Variants in PAK4 observed in about 807,000 individuals in gnomAD.
The protein encoded by PAK4 is serine/threonine-protein kinase PAK 4.
PAK4 carries 49 observed loss-of-function variants against 53.5 expected under a neutral mutation model. That is an observed-to-expected ratio of 0.92 (90% CI 0.73 to 1.16). The LOEUF is 1.16. PAK4 is among the 50% of genes most tolerant of loss of function. The pLI is 0.00. For synonymous variants in PAK4, 376 were observed against 375.6 expected (o/e 1.00, Z -0.01); for missense variants, 824 against 850.7 (o/e 0.97, Z 0.39).
intron 1 of PAK4, among the ~76,000 whole-genome samples, chr19:39,138,253 A>G (rs2073853247): frequency 6.6e-6 from 1 of 151,266 alleles, no homozygotes; most frequent in Non-Finnish European, 1.5e-5. Context: ...GGATTTCACC[A>G]TGTTGCCCAG....
At chr19:39,149,315 A>G (rs1431034134) in intron 1 of PAK4, among the ~76,000 whole-genome samples, 3 of 152,268 alleles carry the variant, frequency 2.0e-5, no homozygotes, top group Non-Finnish European at 4.4e-5. Context: ...AGCCATAAAA[A>G]GGAATGGAAT....
Position 39,175,245 on chromosome 19 carries a change from G to T in PAK4, c.1233-67G>T. 1 of 1,516,374 alleles carries T rather than the reference G, an allele frequency of 6.6e-7. No individual in the cohort carries two copies. Among genetic ancestry groups the T allele is most frequent in the Non-Finnish European group, 8.9e-7 (1 of 1,119,550 alleles). The allele number at this position is 1,516,374 out of a possible 1,614,324, so 93.9% of individuals were successfully genotyped here. On this transcript the variant is annotated intron_variant, in intron 5 of 8. Transcript: ENST00000358301. The surrounding 1 kb of genome is among the most constrained non-coding windows in gnomAD (Gnocchi z 4.7). Reference sequence around the variant, plus strand: ...CAGATTCCTCCCACTGCAAGGCAGGGCTGCGTCCCCCTCGGCACCCCGGGG... The same window carrying T: ...CAGATTCCTCCCACTGCAAGGCAGGTCTGCGTCCCCCTCGGCACCCCGGGG...
chr19:39,172,977 G>A (rs1444107866), exon 3 of PAK4: 1 of 1,549,852 alleles, frequency 6.5e-7, no homozygotes, highest in Non-Finnish European at 8.7e-7. Context: ...TGCTGGACGA[G>A]TTTGAGAACA....
At chr19:39,169,535 G>A (rs370008929) in exon 2 of PAK4, 52 of 1,608,588 alleles carry the variant, frequency 3.2e-5, no homozygotes, top group East Asian at 4.5e-5. Flanking sequence ...CCCGCAGGCC[G>A]CACCGAGTCC....
Position 39,175,275 on chromosome 19 carries a change from G to A in PAK4, c.1233-37G>A. ...GTCCCCCTCGGCACCCCGGGGTGCT[G>A]TCCAGCTGGCTGCTCACCCCCCACC... is the stretch of plus-strand genomic sequence containing the variant. On this transcript the variant is annotated intron_variant, in intron 5 of 8. Coordinates refer to ENST00000358301, the Ensembl canonical transcript of PAK4. The surrounding 1 kb of genome is among the most constrained non-coding windows in gnomAD (Gnocchi z 4.7). The A allele has an allele frequency of 6.4e-7, 1 of 1,552,976 alleles. No individual in the cohort carries two copies. Among genetic ancestry groups the A allele is most frequent in the Non-Finnish European group, 8.7e-7 (1 of 1,145,616 alleles).
intron 1 of PAK4, among the ~76,000 whole-genome samples, chr19:39,151,210 G>A (rs576203690): frequency 6.6e-6 from 1 of 152,322 alleles, no homozygotes; most frequent in Non-Finnish European, 1.5e-5. Context: ...AAAGGCAAAG[G>A]CTTTGAATAG....
At chr19:39,129,129 T>C (rs1255499153) in intron 1 of PAK4, among the ~76,000 whole-genome samples, 3 of 152,152 alleles carry the variant, frequency 2.0e-5, no homozygotes, top group South Asian at 2.1e-4. Flanking sequence ...ACTGGACTCT[T>C]AACTCCTGGG....
intron 1 of PAK4, among the ~76,000 whole-genome samples, chr19:39,167,372 A>G (rs1354559933): frequency 1.3e-5 from 2 of 152,206 alleles, no homozygotes; most frequent in South Asian, 2.1e-4. Flanking sequence ...GAGTGGGCAA[A>G]TGGGGACTGT....
intron 1 of PAK4, among the ~76,000 whole-genome samples, chr19:39,164,857 C>T (rs1368220158): frequency 6.6e-6 from 1 of 152,102 alleles, no homozygotes; most frequent in African/African-American, 2.4e-5. Flanking sequence ...CTGCTCTGGG[C>T]CATGGGTCCC....
chr19:39,163,823 C>T (rs576140632), intron 1 of PAK4, among the ~76,000 whole-genome samples: 1 of 152,264 alleles, frequency 6.6e-6, no homozygotes, highest in Non-Finnish European at 1.5e-5. Context: ...GCTGCTGGGC[C>T]TTGTCCAAGG....
At chr19:39,166,476 A>G (rs2074378312) in intron 1 of PAK4, among the ~76,000 whole-genome samples, 1 of 152,234 alleles carries the variant, frequency 6.6e-6, no homozygotes, top group Non-Finnish European at 1.5e-5. Context: ...CGAAGCAGCT[A>G]CTATTATCGC....
downstream of PAK4, chr19:39,180,759 C>T (rs574353832): frequency 6.6e-6 from 1 of 152,192 alleles, no homozygotes; most frequent in East Asian, 1.9e-4. Context: ...TGAGGTTTAC[C>T]AGACTTTGAA....
chr19:39,165,862 A>T (rs377408655), intron 1 of PAK4, among the ~76,000 whole-genome samples: 1 of 152,018 alleles, frequency 6.6e-6, no homozygotes, highest in African/African-American at 2.4e-5. Flanking sequence ...TCTGGTGTCC[A>T]CTCTGCCACC....
intron 7 of PAK4, 78 bp downstream of exon 8, chr19:39,176,793 A>T: frequency 6.5e-7 from 1 of 1,547,850 alleles, no homozygotes; most frequent in Admixed American, 1.7e-5. Flanking sequence ...CTGGCGGGAG[A>T]TGGGGCCCAG....
In PAK4 at chr19:39,175,256, C is replaced by T. The variant is rs1280196336; in HGVS notation, c.1233-56C>T. ...CACTGCAAGGCAGGGCTGCGTCCCC[C>T]TCGGCACCCCGGGGTGCTGTCCAGC... On this transcript the variant is annotated intron_variant, in intron 5 of 8. Transcript: ENST00000358301. The surrounding 1 kb of genome is among the most constrained non-coding windows in gnomAD (Gnocchi z 4.7). 12 of 1,530,478 alleles carry T rather than the reference C, an allele frequency of 7.8e-6. No individual in the cohort carries two copies. The allele number at this position is 1,530,478 out of a possible 1,614,324, so 94.8% of individuals were successfully genotyped here.
chr19:39,173,742 C>T lies in PAK4; in HGVS notation c.830C>T (p.Thr277Ile). The T allele has an allele frequency of 6.3e-7, 1 of 1,575,692 alleles. No homozygotes were observed. The highest frequency in any genetic ancestry group is 8.6e-7 in the Non-Finnish European group (1 of 1,163,388). The change falls in exon 4 of 9, where the codon ACC becomes ATC. Residue 277 changes from threonine (T) to isoleucine (I), a missense_variant. By Grantham distance (89) the Thr-to-Ile change is moderately conservative. Around this residue, in one of 2 missense-constraint regions of PAK4, gnomAD observed 478 missense variants for 435.8 expected, o/e 1.10. Transcript: ENST00000358301. This position sits in a 1 kb window ranked among gnomAD's most constrained non-coding sequence, Gnocchi z 6.9. ...CCCCAGCTGGCCCCTCCAGCCTGCA[C>T]CCCCGCCGCCCCTGCTGTTCCTGGG...
At chr19:39,160,455 C>T (rs1464812530) in intron 1 of PAK4, among the ~76,000 whole-genome samples, 1 of 152,110 alleles carries the variant, frequency 6.6e-6, no homozygotes, top group Non-Finnish European at 1.5e-5. Context: ...TGGTAAGTGC[C>T]ACAGAGACAT....
chr19:39,177,630 C>T, intron 7 of PAK4, 45 bp from the exon 9 acceptor site: 2 of 1,583,368 alleles, frequency 1.3e-6, no homozygotes, highest in Non-Finnish European at 1.7e-6. Flanking sequence ...CCAGGACCCA[C>T]CATCCCCCAA....
At chr19:39,156,359 C>T (rs971227701) in intron 1 of PAK4, among the ~76,000 whole-genome samples, 48 of 152,292 alleles carry the variant, frequency 3.2e-4, no homozygotes, top group Non-Finnish European at 5.3e-4. Flanking sequence ...ACCCTGGTCC[C>T]TTGTTTCAAA....
Sources: allele counts gnomAD v4.1 joint callset (sites outside exome capture counted in the v4.1 genomes callset), GRCh38; gene constraint gnomAD v4.1.1; regional missense constraint gnomAD v4.1.1; non-coding constraint Gnocchi (gnomAD v3.1); transcripts MANE v1.5; gene names NCBI Gene and HGNC (gene_info 2026-07-23, HGNC 2026-07-21).